Variants in DCC observed in about 807,000 individuals in gnomAD.
The protein encoded by DCC is netrin receptor DCC.
DCC carries 58 observed loss-of-function variants against 172.5 expected under a neutral mutation model. The observed-to-expected ratio is 0.34, with a 90% CI of 0.27 to 0.42. DCC has a LOEUF of 0.42. Among genes scored for constraint, DCC ranks in the 10% least tolerant of loss-of-function variants. The probability of loss-of-function intolerance (pLI) is 1.00; values close to 1 mark genes in which losing one functional copy is unlikely to be tolerated. For synonymous variants in DCC, 709 were observed against 644.5 expected (o/e 1.10, Z -1.52); for missense variants, 1,740 against 1,791.0 (o/e 0.97, Z 0.51).
chr18:52,644,807 G>C (rs1427118420), intron 1 of DCC, among the ~76,000 whole-genome samples: 1 of 124,548 alleles, frequency 8.0e-6, no homozygotes, highest in South Asian at 3.7e-4. Context: ...AAGGAAGGAA[G>C]GAAGGGAGGG....
chr18:53,174,529 C>G lies in DCC; in HGVS notation c.1419-4433C>G, dbSNP rs997615435. Among the ~76,000 whole-genome samples, 7 of 150,142 alleles carry G rather than the reference C, an allele frequency of 4.7e-5. No homozygotes were observed. In the East Asian group the frequency reaches 9.8e-4, roughly 21 times the overall value. On this transcript the variant is annotated intron_variant, in intron 8 of 28. Coordinates refer to ENST00000442544, the MANE Select transcript of DCC (RefSeq NM_005215.4). ...ATCCCACAGAAATACAAACTACCAT[C>G]AGAGAATACTACAAACACCTCTACA...
chr18:53,141,341 C>A (rs925969226), intron 7 of DCC, among the ~76,000 whole-genome samples: 1 of 152,070 alleles, frequency 6.6e-6, no homozygotes, highest in South Asian at 2.1e-4. Context: ...TGAGCCAATA[C>A]GTATGAAACA....
intron 5 of DCC, among the ~76,000 whole-genome samples, chr18:52,953,350 G>C (rs1292129454): frequency 6.6e-6 from 1 of 152,122 alleles, no homozygotes; most frequent in Non-Finnish European, 1.5e-5. Context: ...CCAAACATGA[G>C]ACAACAATGC....
intron 12 of DCC, among the ~76,000 whole-genome samples, chr18:53,222,053 C>T (rs900575912): frequency 1.3e-5 from 2 of 152,120 alleles, no homozygotes. Context: ...TGACCAGTTG[C>T]TAAATTGATT....
intron 27 of DCC, among the ~76,000 whole-genome samples, chr18:53,511,611 C>A (rs2046253610): frequency 6.6e-6 from 1 of 152,134 alleles, no homozygotes. Flanking sequence ...GCACACCGTG[C>A]GCGAGCCAAA....
intron 20 of DCC, among the ~76,000 whole-genome samples, chr18:53,414,056 A>G (rs897559923): frequency 2.0e-4 from 30 of 152,204 alleles, no homozygotes; most frequent in African/African-American, 7.2e-4. Context: ...TTGAGAAGCC[A>G]TTAATTTTCA....
intron 15 of DCC, among the ~76,000 whole-genome samples, chr18:53,340,469 A>G (rs1476389021): frequency 6.6e-6 from 1 of 152,180 alleles, no homozygotes; most frequent in East Asian, 1.9e-4. Flanking sequence ...CATTAGAATG[A>G]TAAAACTCCA....
At chr18:52,518,387 G>A (rs991856298) in intron 1 of DCC, among the ~76,000 whole-genome samples, 1 of 152,212 alleles carries the variant, frequency 6.6e-6, no homozygotes, top group Admixed American at 6.5e-5. Context: ...AGGAAGAGTA[G>A]TGGTTCAAAG....
chr18:52,352,289 GCCCTTCTAGAACC>G (rs1984158674), intron 1 of DCC, among the ~76,000 whole-genome samples: 1 of 152,186 alleles, frequency 6.6e-6, no homozygotes. Flanking sequence ...GCACAGGCCA[GCCCTTCTAGAACC>G]TGCCTCAATT....
At chr18:52,506,852 T>C (rs2031246999) in intron 1 of DCC, among the ~76,000 whole-genome samples, 1 of 152,252 alleles carries the variant, frequency 6.6e-6, no homozygotes, top group South Asian at 2.1e-4. Context: ...AGCAATGTAG[T>C]ATATGGGGAA....
In DCC at chr18:53,129,069, T is replaced by C. The variant is rs149783429; in HGVS notation, c.1262-28287T>C. Reference sequence around the variant, plus strand: ...GCCTGGCTAATTTTTGTGTTTTTAGTGGAGATGACGTTTCACCCTGTTGGC... The same window carrying C: ...GCCTGGCTAATTTTTGTGTTTTTAGCGGAGATGACGTTTCACCCTGTTGGC... On this transcript the variant is annotated intron_variant, in intron 7 of 28. Coordinates refer to ENST00000442544, the MANE Select transcript of DCC (RefSeq NM_005215.4). Among the ~76,000 whole-genome samples the C allele has an allele frequency of 9.6e-3, 1,459 of 151,852 alleles. 32 individuals carry two copies. Among genetic ancestry groups the C allele is most frequent in the African/African-American group, 0.033 (1,356 of 41,410 alleles).
chr18:52,682,290 C>A (rs1599015193), intron 1 of DCC, among the ~76,000 whole-genome samples: 2 of 152,090 alleles, frequency 1.3e-5, no homozygotes, highest in South Asian at 2.1e-4. Context: ...CTCTACAGAC[C>A]AGGTACTACT....
intron 7 of DCC, among the ~76,000 whole-genome samples, chr18:53,145,703 T>C (rs767065793): frequency 1.3e-5 from 2 of 152,094 alleles, no homozygotes; most frequent in African/African-American, 2.4e-5. Context: ...GTCATTGAGT[T>C]CCAAATTCTG....
At chr18:53,351,787 G>A (rs970875625) in intron 15 of DCC, among the ~76,000 whole-genome samples, 7 of 151,540 alleles carry the variant, frequency 4.6e-5, no homozygotes, top group South Asian at 2.1e-4. Flanking sequence ...AATTCCTCAC[G>A]TCAGTGTTTA....
chr18:53,183,096 T>C (rs2055221429), intron 9 of DCC, among the ~76,000 whole-genome samples: 1 of 152,160 alleles, frequency 6.6e-6, no homozygotes, highest in African/African-American at 2.4e-5. Flanking sequence ...TGTATACAAA[T>C]TGAATTTCAA....
At chr18:52,613,322 C>T (rs1004375224) in intron 1 of DCC, among the ~76,000 whole-genome samples, 2 of 152,130 alleles carry the variant, frequency 1.3e-5, no homozygotes, top group Admixed American at 6.5e-5. Context: ...TTGGTGCTAG[C>T]TCAGCTCACC....
In DCC at chr18:53,502,718, G is replaced by T. The variant is rs953291162; in HGVS notation, c.4111+3208G>T. Reference sequence around the variant, plus strand: ...TTACTTACCGCAAGTAATTACTTTAGAATATGGTAATGTGAGGCATTGCTC... The same window carrying T: ...TTACTTACCGCAAGTAATTACTTTATAATATGGTAATGTGAGGCATTGCTC... On this transcript the variant is annotated intron_variant, in intron 27 of 28. Coordinates refer to ENST00000442544, the MANE Select transcript of DCC (RefSeq NM_005215.4). Among the ~76,000 whole-genome samples the T allele has an allele frequency of 6.6e-5, 10 of 152,238 alleles. No homozygotes were observed. The East Asian group carries it at 1.9e-3, about 29-fold the overall frequency.
chr18:53,281,762 ATT>A (rs754969859), intron 12 of DCC, among the ~76,000 whole-genome samples: 79 of 115,222 alleles, frequency 6.9e-4, no homozygotes, highest in East Asian at 1.3e-3. Flanking sequence ...TTAATGGGGG[ATT>A]TTTTTTTTTT....
chr18:52,701,198 C>A (rs374888051), intron 1 of DCC, among the ~76,000 whole-genome samples: 1 of 152,144 alleles, frequency 6.6e-6, no homozygotes, highest in African/African-American at 2.4e-5. Flanking sequence ...TTTACCTTGA[C>A]TTTGCTAATA....
Sources: gnomAD v4.1 joint callset for allele counts (sites outside exome capture counted in the v4.1 genomes callset) on GRCh38, gnomAD v4.1.1 for gene constraint, MANE v1.5 for transcripts, NCBI Gene and HGNC (gene_info 2026-07-23, HGNC 2026-07-21) for gene names.